The following VPS33B variants were observed in gnomAD, a reference collection of about 807,000 sequenced individuals.
VPS33B encodes vacuolar protein sorting-associated protein 33B.
In VPS33B, 80 loss-of-function variants were observed where a neutral mutation model predicts 95.3. That is an observed-to-expected ratio of 0.84 (90% CI 0.70 to 1.01). The LOEUF (loss-of-function observed/expected upper bound fraction) is 1.01, where lower values mean the gene tolerates loss of function less well. VPS33B is among the 50% of genes least tolerant of loss of function. VPS33B has a pLI of 0.00. For missense variants in VPS33B, 715 were observed against 773.4 expected (o/e 0.92, Z 0.90); for synonymous variants, 280 against 280.4 (o/e 1.00, Z 0.01).
Position 91,000,472 on chromosome 15 carries a change from A to T in VPS33B, c.1581+18T>A. 6.2e-7 allele frequency: 1 copy of T among 1,601,568 alleles called. No individual in the cohort carries two copies. Among genetic ancestry groups the T allele is most frequent in the South Asian group, 1.1e-5 (1 of 90,764 alleles). On this transcript the variant is annotated intron_variant, in intron 20 of 22. Coordinates refer to ENST00000333371, the MANE Select transcript of VPS33B (RefSeq NM_018668.5). The surrounding 1 kb of genome is among the most constrained non-coding windows in gnomAD (Gnocchi z 4.9). ...AGAGAATGAAATATGAATGGGAGCA[A>T]GAATTACATGCTCTCACCTGCTCAA...
chr15:91,007,393 C>A lies in VPS33B; in HGVS notation c.603+76G>T. 1 of 1,375,350 alleles carries A rather than the reference C, an allele frequency of 7.3e-7. No individual in the cohort carries two copies. The allele number at this position is 1,375,350 out of a possible 1,614,324, so 85.2% of individuals were successfully genotyped here. A position where few individuals can be genotyped will look rare whatever the true frequency, so the allele number is the denominator to read the frequency against. On this transcript the variant is annotated intron_variant, in intron 8 of 22. Transcript: ENST00000333371. The surrounding 1 kb of genome is among the most constrained non-coding windows in gnomAD (Gnocchi z 5.3). ...AGAATACACCTCATATCACAGGTGC[C>A]CTTGGATAACCCCAGGAGGGTACAG...
Position 91,013,961 on chromosome 15 carries a change from G to A in VPS33B, c.290-90C>T, listed in dbSNP as rs904132461. ...CTGCCGGGCACAGTGGTTCACGCCT[G>A]TAATCCCAGCACTTGGGAGGCTGAG... On this transcript the variant is annotated intron_variant, in intron 4 of 22. Coordinates refer to ENST00000333371, the MANE Select transcript of VPS33B (RefSeq NM_018668.5). This position sits in a 1 kb window ranked among gnomAD's most constrained non-coding sequence, Gnocchi z 4.5. 17 of 1,483,568 alleles carry A rather than the reference G, an allele frequency of 1.1e-5. No homozygotes were observed. The highest frequency in any genetic ancestry group is 2.3e-5 in the East Asian group (1 of 44,104). The allele number at this position is 1,483,568 out of a possible 1,614,324, so 91.9% of individuals were successfully genotyped here. A position where few individuals can be genotyped will look rare whatever the true frequency, so the allele number is the denominator to read the frequency against.
chr15:91,003,157 T>G (rs1257259691), intron 16 of VPS33B, 26 bp from the exon 17 acceptor site: 1 of 1,613,838 alleles, frequency 6.2e-7, no homozygotes, highest in South Asian at 1.1e-5. Context: ...ATAAGACAGG[T>G]GCATGAGAAA....
In VPS33B at chr15:91,007,364, G is replaced by GT; in HGVS notation, c.603+104dup. On this transcript the variant is annotated intron_variant, in intron 8 of 22. Coordinates refer to ENST00000333371, the MANE Select transcript of VPS33B (RefSeq NM_018668.5). The surrounding 1 kb of genome is among the most constrained non-coding windows in gnomAD (Gnocchi z 5.3). ...TCTATTCCAGAACAATGAAAGCAAA[G>GT]TAAAGAATACACCTCATATCACAGG... 8.8e-7 allele frequency: 1 copy of GT among 1,141,686 alleles called. No individual in the cohort carries two copies. The highest frequency in any genetic ancestry group is 1.3e-6 in the Non-Finnish European group (1 of 753,344). The allele number at this position is 1,141,686 out of a possible 1,614,324, so 70.7% of individuals were successfully genotyped here.
rs2040831621 is a variant in VPS33B at position 91,013,335 on chromosome 15, T to A, written c.357+469A>T. Among the ~76,000 whole-genome samples the A allele has an allele frequency of 6.6e-6, 1 of 152,194 alleles. No homozygotes were observed. The highest frequency in any genetic ancestry group is 2.4e-5 in the African/African-American group (1 of 41,440). ...AGGTATTAGGTTCAATCACACATAA[T>A]TTGCTTTGAGGGAGTGCTATGGTTT... is the stretch of plus-strand genomic sequence containing the variant. On this transcript the variant is annotated intron_variant, in intron 5 of 22. Transcript: ENST00000333371. The surrounding 1 kb of genome is among the most constrained non-coding windows in gnomAD (Gnocchi z 4.5).
At position 90,999,224 on chromosome 15, in the gene VPS33B, C is replaced by T; in HGVS notation, c.1775-170G>A. 1.4e-6 allele frequency: 1 copy of T among 699,164 alleles called. No individual in the cohort carries two copies. The highest frequency in any genetic ancestry group is 2.7e-5 in the East Asian group (1 of 36,700). 43.3% of individuals were successfully genotyped at this position (699,164 alleles called of 1,614,324 possible). ...CCACTGCTTTCTATGACTGGTATAA[C>T]TGGGCTCCCTGCTGTGGCAGCCCAG... On this transcript the variant is annotated intron_variant, in intron 22 of 22. Transcript: ENST00000333371. This position sits in a 1 kb window ranked among gnomAD's most constrained non-coding sequence, Gnocchi z 5.1.
At position 90,998,769 on chromosome 15, in the gene VPS33B, AC is replaced by A. The variant is rs2040344989; in HGVS notation, c.*205del. 1 of 659,960 alleles carries A rather than the reference AC, an allele frequency of 1.5e-6. No individual in the cohort carries two copies. The highest frequency in any genetic ancestry group is 1.8e-5 in the African/African-American group (1 of 56,078). 40.9% of individuals were successfully genotyped at this position (659,960 alleles called of 1,614,324 possible). On this transcript the variant is annotated 3_prime_UTR_variant, in exon 23 of 23. Transcript: ENST00000333371. This position sits in a 1 kb window ranked among gnomAD's most constrained non-coding sequence, Gnocchi z 4.8. ...CTCGCATCTTAGCAGCATGGGTTGT[AC>A]TTCATAAACAGAAAAGAGAAATATC...
At chr15:91,016,494 C>T (rs566498472) in intron 3 of VPS33B, among the ~76,000 whole-genome samples, 1 of 151,352 alleles carries the variant, frequency 6.6e-6, no homozygotes, top group Admixed American at 6.6e-5. Flanking sequence ...AGCGATTCGC[C>T]TGGCTCAGCC....
In VPS33B at chr15:91,005,858, C is replaced by T; in HGVS notation, c.940-74G>A. The T allele has an allele frequency of 6.2e-7, 1 of 1,609,132 alleles. No individual in the cohort carries two copies. Among genetic ancestry groups the T allele is most frequent in the Non-Finnish European group, 8.5e-7 (1 of 1,175,854 alleles). On this transcript the variant is annotated intron_variant, in intron 12 of 22. Transcript: ENST00000333371. The surrounding 1 kb of genome is among the most constrained non-coding windows in gnomAD (Gnocchi z 6.4). ...ACCACCACCCTCCCTCAGTTGCCAT[C>T]CATCCATGAGAAAGGACAGGGAACC... is the stretch of plus-strand genomic sequence containing the variant.
chr15:91,004,279 A>G (rs1181663258), intron 16 of VPS33B, among the ~76,000 whole-genome samples: 1 of 152,016 alleles, frequency 6.6e-6, no homozygotes. Flanking sequence ...ATATTCACCA[A>G]CTAGAAGACT....
rs1178390940 is a variant in VPS33B at position 91,018,547 on chromosome 15, G to A, written c.97-662C>T. Among the ~76,000 whole-genome samples the A allele has an allele frequency of 2.0e-5, 3 of 152,198 alleles. No individual in the cohort carries two copies. The highest frequency in any genetic ancestry group is 4.4e-5 in the Non-Finnish European group (3 of 68,030). On this transcript the variant is annotated intron_variant, in intron 1 of 22. Coordinates refer to ENST00000333371, the MANE Select transcript of VPS33B (RefSeq NM_018668.5). The surrounding 1 kb of genome is among the most constrained non-coding windows in gnomAD (Gnocchi z 4.7). ...TTGACATGGATGGATGAAGAGGACA[G>A]TCCAGCAAAGATCAGAAAGAGAGCA... is the stretch of plus-strand genomic sequence containing the variant.
In VPS33B at chr15:91,004,421, T is replaced by C. The variant is rs539099883; in HGVS notation, c.1225+456A>G. Among the ~76,000 whole-genome samples, 16 of 152,196 alleles carry C rather than the reference T, an allele frequency of 1.1e-4. No homozygotes were observed. The South Asian group carries it at 3.3e-3, about 32-fold the overall frequency. ...CAGGAGGCTGAGGCAGGAGAATCAC[T>C]TGAACCCAGGAGGTGGGGGTTGTGG... is the stretch of plus-strand genomic sequence containing the variant. On this transcript the variant is annotated intron_variant, in intron 16 of 22. Coordinates refer to ENST00000333371, the MANE Select transcript of VPS33B (RefSeq NM_018668.5).
At position 91,015,036 on chromosome 15, in the gene VPS33B, A is replaced by G. The variant is rs1317039216; in HGVS notation, c.240-603T>C. 1.3e-5 allele frequency among the ~76,000 whole-genome samples: 2 copies of G among 150,440 alleles called. No individual in the cohort carries two copies. Among genetic ancestry groups the G allele is most frequent in the Non-Finnish European group, 3.0e-5 (2 of 67,552 alleles). Reference sequence around the variant, plus strand: ...GCCAACATGGTGAAACCCCGTCTCTACTAAAAATACAAACATTGGCTGGGC... The same window carrying G: ...GCCAACATGGTGAAACCCCGTCTCTGCTAAAAATACAAACATTGGCTGGGC... On this transcript the variant is annotated intron_variant, in intron 3 of 22. Coordinates refer to ENST00000333371, the MANE Select transcript of VPS33B (RefSeq NM_018668.5). The surrounding 1 kb of genome is among the most constrained non-coding windows in gnomAD (Gnocchi z 4.7).
chr15:91,008,509 C>A (rs1403493576), intron 6 of VPS33B, among the ~76,000 whole-genome samples: 1 of 152,192 alleles, frequency 6.6e-6, no homozygotes, highest in African/African-American at 2.4e-5. Context: ...TGGTGATCTG[C>A]CTGCCTTGGC....
At position 91,006,070 on chromosome 15, in the gene VPS33B, A is replaced by C; in HGVS notation, c.853-11T>G. On this transcript the variant is annotated splice_polypyrimidine_tract_variant and intron_variant, in intron 11 of 22. Coordinates refer to ENST00000333371, the MANE Select transcript of VPS33B (RefSeq NM_018668.5). The surrounding 1 kb of genome is among the most constrained non-coding windows in gnomAD (Gnocchi z 5.4). ...AATCTCATTAAACACCTGTGAGGAC[A>C]GTAAGACAAGAACAGCTTACTCTGT... 6.2e-7 allele frequency: 1 copy of C among 1,614,054 alleles called. No homozygotes were observed. Among genetic ancestry groups the C allele is most frequent in the Non-Finnish European group, 8.5e-7 (1 of 1,179,940 alleles).
Position 91,002,502 on chromosome 15 carries a change from G to A in VPS33B, c.1273-320C>T, listed in dbSNP as rs1317915315. 1.3e-5 allele frequency among the ~76,000 whole-genome samples: 2 copies of A among 151,972 alleles called. No individual in the cohort carries two copies. The highest frequency in any genetic ancestry group is 2.4e-5 in the African/African-American group (1 of 41,372). On this transcript the variant is annotated intron_variant, in intron 17 of 22. Coordinates refer to ENST00000333371, the MANE Select transcript of VPS33B (RefSeq NM_018668.5). The surrounding 1 kb of genome is among the most constrained non-coding windows in gnomAD (Gnocchi z 4.7). ...AAAAATTAGATGGGCATGGTGGCTC[G>A]TGCCTGTAGTCTCAGCTCCTCAGGA...
intron 4 of VPS33B, 42 bp downstream of exon 4, chr15:91,014,342 C>A (rs185270698): frequency 6.2e-7 from 1 of 1,611,746 alleles, no homozygotes; most frequent in Middle Eastern, 1.7e-4. Context: ...AGATTTTGCC[C>A]GCCCTTTCCC....
Position 91,005,813 on chromosome 15 carries a change from C to T in VPS33B, c.940-29G>A. ...TGGGAAAATTCCCAAAGGTGAACCC[C>T]CCAACCTCAGACACGAGAAACCACC... On this transcript the variant is annotated intron_variant, in intron 12 of 22. Transcript: ENST00000333371. This position sits in a 1 kb window ranked among gnomAD's most constrained non-coding sequence, Gnocchi z 6.4. 2 of 1,613,952 alleles carry T rather than the reference C, an allele frequency of 1.2e-6. No homozygotes were observed. The highest frequency in any genetic ancestry group is 1.7e-6 in the Non-Finnish European group (2 of 1,179,858).
In VPS33B at chr15:91,000,090, T is replaced by C. The variant is rs758071619; in HGVS notation, c.1582-115A>G. ...GCTCATTACTCAAGTAGCAAAAAGT[T>C]GAGACAGGGCCAGGTGTGGTGGCTC... On this transcript the variant is annotated intron_variant, in intron 20 of 22. Transcript: ENST00000333371. This position sits in a 1 kb window ranked among gnomAD's most constrained non-coding sequence, Gnocchi z 4.9. The C allele has an allele frequency of 3.0e-6, 4 of 1,323,638 alleles. No individual in the cohort carries two copies. The South Asian group carries it at 3.6e-5, about 12-fold the overall frequency. The allele number at this position is 1,323,638 out of a possible 1,614,324, so 82.0% of individuals were successfully genotyped here. A position where few individuals can be genotyped will look rare whatever the true frequency, so the allele number is the denominator to read the frequency against.
Sources: gnomAD v4.1 joint callset for allele counts (sites outside exome capture counted in the v4.1 genomes callset) on GRCh38, gnomAD v4.1.1 for gene constraint, Gnocchi (gnomAD v3.1) non-coding constraint, MANE v1.5 for transcripts, NCBI Gene and HGNC (gene_info 2026-07-23, HGNC 2026-07-21) for gene names.